The following ELMO2 variants were observed in gnomAD, a reference collection of about 807,000 sequenced individuals.
The protein encoded by ELMO2 is engulfment and cell motility protein 2.
In ELMO2, 37 loss-of-function variants were observed where a neutral mutation model predicts 96.2. The observed-to-expected ratio is 0.38, with a 90% CI of 0.30 to 0.51. The LOEUF (loss-of-function observed/expected upper bound fraction) is 0.51. ELMO2 is among the 20% of genes least tolerant of loss of function. ELMO2 has a pLI of 0.88. For missense variants in ELMO2, 561 were observed against 912.6 expected (o/e 0.61, Z 4.96); for synonymous variants, 315 against 329.4 (o/e 0.96, Z 0.47).
chr20:46,367,162 G>A lies in ELMO2; in HGVS notation c.*198C>T, dbSNP rs1002522772. 1.0e-5 allele frequency: 5 copies of A among 479,848 alleles called. No individual in the cohort carries two copies. The highest frequency in any genetic ancestry group is 2.0e-5 in the African/African-American group (1 of 49,512). The allele number at this position is 479,848 out of a possible 1,614,324, so 29.7% of individuals were successfully genotyped here. A position where few individuals can be genotyped will look rare whatever the true frequency, so the allele number is the denominator to read the frequency against. On this transcript the variant is annotated 3_prime_UTR_variant, in exon 22 of 22. Transcript: ENST00000290246. ...GGTGATGGAGTGGGCAGAGCACCCT[G>A]CCTTCATGACTCTTAGTAGACAGGG... is the stretch of plus-strand genomic sequence containing the variant.
chr20:46,387,267 T>C, intron 8 of ELMO2, 71 bp downstream of exon 8: 9 of 1,342,074 alleles, frequency 6.7e-6, no homozygotes, highest in Non-Finnish European at 9.6e-6. Flanking sequence ...CGATATTGCC[T>C]GTATCTCCCC....
chr20:46,394,370 T>G, intron 3 of ELMO2, 35 bp downstream of exon 3: 1 of 1,612,238 alleles, frequency 6.2e-7, no homozygotes, highest in Non-Finnish European at 8.5e-7. Flanking sequence ...CAGGTGCCTT[T>G]CCTTGAACCA....
chr20:46,401,568 C>A (rs746433390), intron 1 of ELMO2, among the ~76,000 whole-genome samples: 4 of 152,154 alleles, frequency 2.6e-5, no homozygotes, highest in Non-Finnish European at 4.4e-5. Context: ...TGTTCCTATA[C>A]TTAAAGAATA....
chr20:46,392,003 CCTTT>C (rs1353312632), intron 6 of ELMO2, among the ~76,000 whole-genome samples: 6 of 152,218 alleles, frequency 3.9e-5, no homozygotes, highest in Admixed American at 3.3e-4. Context: ...CACTGTTTTA[CCTTT>C]CTTTTACTTG....
Position 46,374,659 on chromosome 20 carries a change from C to T in ELMO2, c.1066-19G>A. 1 of 1,610,750 alleles carries T rather than the reference C, an allele frequency of 6.2e-7. No homozygotes were observed. The highest frequency in any genetic ancestry group is 8.5e-7 in the Non-Finnish European group (1 of 1,177,160). ...TGTGGTTCTAGAGAAATAAAGACAC[C>T]CAATTTGAGATGCGGCAGTCTCCGT... On this transcript the variant is annotated intron_variant, in intron 13 of 21. Coordinates refer to ENST00000290246, the MANE Select transcript of ELMO2 (RefSeq NM_133171.5).
intron 11 of ELMO2, chr20:46,376,853 A>G: frequency 1.6e-6 from 2 of 1,226,946 alleles, no homozygotes. Context: ...CACTAGCCAT[A>G]TGCAGCTATT....
rs560790371 is a variant in ELMO2, at chr20:46,405,564, C to T, written c.-126+984G>A. ...CCTACAAAGGGGTGGGACGCCGGGC[C>T]AGTTTCATGCCCTAAGCATCCAGAT... On this transcript the variant is annotated intron_variant, in intron 1 of 21. Coordinates refer to ENST00000290246, the MANE Select transcript of ELMO2 (RefSeq NM_133171.5). Among the ~76,000 whole-genome samples, 11 of 152,058 alleles carry T rather than the reference C, an allele frequency of 7.2e-5. No homozygotes were observed. The South Asian group carries it at 2.1e-3, about 29-fold the overall frequency.
chr20:46,386,180 C>T lies in ELMO2; in HGVS notation c.621G>A (p.Leu207=), dbSNP rs767371808. ...TGATTTCCTCGGCTATCTTCTGGTACAGACTCTGGCTGTTCAAGACCATGC... is the reference window on the plus strand; with the variant it reads ...TGATTTCCTCGGCTATCTTCTGGTATAGACTCTGGCTGTTCAAGACCATGC... ...LESMVLNSQS[L]YQKIAEEITV... is the part of the protein sequence containing the mutation. The change falls in exon 9 of 22, where the codon CTG becomes CTA. Residue 207 remains leucine, a synonymous_variant. Transcript: ENST00000290246. 1.1e-5 allele frequency: 18 copies of T among 1,614,018 alleles called. No individual in the cohort carries two copies. Among genetic ancestry groups the T allele is most frequent in the Admixed American group, 1.7e-5 (1 of 59,998 alleles).
chr20:46,373,340 A>G, intron 16 of ELMO2, 59 bp downstream of exon 16: 1 of 1,600,000 alleles, frequency 6.3e-7, no homozygotes, highest in Non-Finnish European at 8.5e-7. Context: ...GCCAGCTGTC[A>G]AAGGCTGTCG....
chr20:46,386,021 G>C lies in ELMO2; in HGVS notation c.677+103C>G, dbSNP rs1046396760. On this transcript the variant is annotated intron_variant, in intron 9 of 21. Coordinates refer to ENST00000290246, the MANE Select transcript of ELMO2 (RefSeq NM_133171.5). The stretch of plus-strand genomic sequence containing the variant: ...TGATGAATGAAGAAGCCAACCAACA[G>C]CTTGGAATATAAGCAAAGGAGAGTA... 1.6e-5 allele frequency: 22 copies of C among 1,340,316 alleles called. No homozygotes were observed. The African/African-American group carries it at 2.9e-4, about 18-fold the overall frequency. The allele number at this position is 1,340,316 out of a possible 1,614,324, so 83.0% of individuals were successfully genotyped here. A position where few individuals can be genotyped will look rare whatever the true frequency, so the allele number is the denominator to read the frequency against.
At chr20:46,382,416 C>T (rs2059973114) in intron 10 of ELMO2, among the ~76,000 whole-genome samples, 1 of 152,232 alleles carries the variant, frequency 6.6e-6, no homozygotes. Flanking sequence ...GAGCTGGGTA[C>T]ATACATGATC....
In ELMO2 at chr20:46,376,643, C is replaced by T. The variant is rs2059864842; in HGVS notation, c.808-853G>A. On this transcript the variant is annotated intron_variant, in intron 11 of 21. Transcript: ENST00000290246. ...GTCTCTCACCATCCTGTCCTCACTC[C>T]CACAATATCCTGCTTCCCTTCTTGC... 3 of 1,289,602 alleles carry T rather than the reference C, an allele frequency of 2.3e-6. No individual in the cohort carries two copies. In the Admixed American group the frequency reaches 6.9e-5, roughly 30 times the overall value. 79.9% of individuals were successfully genotyped at this position (1,289,602 alleles called of 1,614,324 possible). A position where few individuals can be genotyped will look rare whatever the true frequency, so the allele number is the denominator to read the frequency against.
At position 46,379,023 on chromosome 20, in the gene ELMO2, G is replaced by A. The variant is rs1257142681; in HGVS notation, c.807+1230C>T. 2.6e-5 allele frequency among the ~76,000 whole-genome samples: 4 copies of A among 151,268 alleles called. No homozygotes were observed. The South Asian group carries it at 6.3e-4, about 24-fold the overall frequency. On this transcript the variant is annotated intron_variant, in intron 11 of 21. Transcript: ENST00000290246. Reference sequence around the variant, plus strand: ...TCCTTTTTTTTTGAGACAGAGTTTCGCTCTTGTTGTCCAGGCTAGAGCGCA... The same window carrying A: ...TCCTTTTTTTTTGAGACAGAGTTTCACTCTTGTTGTCCAGGCTAGAGCGCA...
intron 21 of ELMO2, 32 bp from the exon 22 acceptor site, chr20:46,367,592 G>A (rs370703589): frequency 5.8e-6 from 9 of 1,561,170 alleles, no homozygotes; most frequent in South Asian, 2.4e-5. Context: ...ATGTCACATC[G>A]TGACCCCTGG....
Position 46,394,450 on chromosome 20 carries a change from G to A in ELMO2, c.33C>T (p.Ala11=). The A allele has an allele frequency of 6.2e-7, 1 of 1,614,206 alleles. No individual in the cohort carries two copies. Among genetic ancestry groups the A allele is most frequent in the Non-Finnish European group, 8.5e-7 (1 of 1,180,038 alleles). ...GGGCGTTAGCACCTGGCCACTCAAT[G>A]GCCACTTTGACAATGTCTGACGGTG... is the stretch of plus-strand genomic sequence containing the variant. MPPPSDIVKV[A]IEWPGANAQL... Residue 11 remains alanine (A), a synonymous_variant, in exon 3 of 22, where the codon GCC becomes GCT. Coordinates refer to ENST00000290246, the MANE Select transcript of ELMO2 (RefSeq NM_133171.5).
intron 10 of ELMO2, among the ~76,000 whole-genome samples, chr20:46,381,193 A>G (rs2059948816): frequency 1.3e-5 from 2 of 152,206 alleles, no homozygotes; most frequent in Non-Finnish European, 2.9e-5. Flanking sequence ...ATTTTCCCAT[A>G]AACAAAATGG....
chr20:46,375,301 G>C lies in ELMO2; in HGVS notation c.1000C>G (p.Pro334Ala), dbSNP rs1568755229. Residue 334 changes from proline to alanine, a missense_variant, in exon 13 of 22, where the codon CCT becomes GCT. By Grantham distance (27) the Pro-to-Ala change is conservative (BLOSUM62 -1). Transcript: ENST00000290246. The surrounding 1 kb of genome is among the most constrained non-coding windows in gnomAD (Gnocchi z 4.6). ...FDAESDPSNAPGSGTEKRKAM... is the reference protein window; with the variant it reads ...FDAESDPSNAAGSGTEKRKAM... ...TTGCGTTTTTCGGTCCCACTCCCAG[G>C]GGCATTGCTAGGATCAGACTCTGCG... 1 of 1,614,146 alleles carries C rather than the reference G, an allele frequency of 6.2e-7. No individual in the cohort carries two copies. Among genetic ancestry groups the C allele is most frequent in the Non-Finnish European group, 8.5e-7 (1 of 1,180,032 alleles).
rs745766574 is a variant in ELMO2, at chr20:46,371,685, C to T, written c.1587G>A (p.Leu529=). The change falls in exon 18 of 22, where the codon CTG becomes CTA. Residue 529 remains leucine (L), a synonymous_variant. Coordinates refer to ENST00000290246, the MANE Select transcript of ELMO2 (RefSeq NM_133171.5). The surrounding 1 kb of genome is among the most constrained non-coding windows in gnomAD (Gnocchi z 5.9). ...DDFQSPPIVE[L]REKIQPEILE... is the part of the protein sequence containing the mutation. Reference sequence around the variant, plus strand: ...GGATCTCGGGCTGGATCTTCTCCCTCAGCTCCCTGGGGTGGACACACACTG... The same window carrying T: ...GGATCTCGGGCTGGATCTTCTCCCTTAGCTCCCTGGGGTGGACACACACTG... 6.2e-7 allele frequency: 1 copy of T among 1,613,912 alleles called. No individual in the cohort carries two copies. The highest frequency in any genetic ancestry group is 2.2e-5 in the East Asian group (1 of 44,888).
chr20:46,400,160 A>T (rs1485174824), intron 1 of ELMO2, among the ~76,000 whole-genome samples: 1 of 152,168 alleles, frequency 6.6e-6, no homozygotes, highest in Non-Finnish European at 1.5e-5. Flanking sequence ...AAAATAAAAT[A>T]AAAAACTGTT....
Sources: gnomAD v4.1 joint callset for allele counts (sites outside exome capture counted in the v4.1 genomes callset) on GRCh38, gnomAD v4.1.1 for gene constraint, Gnocchi (gnomAD v3.1) non-coding constraint, MANE v1.5 for transcripts, NCBI Gene and HGNC (gene_info 2026-07-23, HGNC 2026-07-21) for gene names.